SIL1: variants seen among roughly 807,000 people sequenced by gnomAD.
SIL1 encodes SIL1 nucleotide exchange factor.
In SIL1, 40 loss-of-function variants were observed where a neutral mutation model predicts 49.1. The observed-to-expected ratio is 0.81, with a 90% confidence interval of 0.63 to 1.06. The LOEUF is 1.06. Ranked by LOEUF, SIL1 falls within the 50% of genes least tolerant of loss-of-function variation. SIL1 has a pLI of 0.00. For synonymous variants in SIL1, 253 were observed against 250.8 expected, an observed-to-expected ratio of 1.01 and a Z score of -0.08; for missense variants, 500 against 572.6, an observed-to-expected ratio of 0.87 and a Z score of 1.29.
chr5:139,173,689 G>A (rs1327273301), intron 1 of SIL1, among the ~76,000 whole-genome samples: 5 of 149,978 alleles, frequency 3.3e-5, no homozygotes, highest in African/African-American at 1.2e-4. Flanking sequence ...GCTCATGCCT[G>A]TAATCCCAGC....
At chr5:139,161,898 C>T (rs926866051) in intron 1 of SIL1, among the ~76,000 whole-genome samples, 1 of 151,680 alleles carries the variant, frequency 6.6e-6, no homozygotes, top group African/African-American at 2.4e-5. Flanking sequence ...CCGTAGTCCC[C>T]ACTACTTGGG....
At chr5:139,069,323 G>T (rs550532600) in intron 3 of SIL1, among the ~76,000 whole-genome samples, 1 of 151,942 alleles carries the variant, frequency 6.6e-6, no homozygotes, top group South Asian at 2.1e-4. Flanking sequence ...TGAGGTGCTA[G>T]AACTCAATGA....
intron 7 of SIL1, among the ~76,000 whole-genome samples, chr5:138,965,632 G>A (rs1421192021): frequency 6.6e-6 from 1 of 151,782 alleles, no homozygotes; most frequent in Non-Finnish European, 1.5e-5. Context: ...CCTGGAACCT[G>A]GACCTTGAGC....
intron 1 of SIL1, among the ~76,000 whole-genome samples, chr5:139,165,207 T>A (rs1487369715): frequency 6.6e-6 from 1 of 152,258 alleles, no homozygotes; most frequent in African/African-American, 2.4e-5. Context: ...ATCCTTTATG[T>A]TAACCTAAAC....
At chr5:139,127,257 T>C (rs1333512989) in intron 2 of SIL1, among the ~76,000 whole-genome samples, 1 of 152,196 alleles carries the variant, frequency 6.6e-6, no homozygotes, top group Non-Finnish European at 1.5e-5. Context: ...AGAGTCTTAC[T>C]TGGAACTGAT....
chr5:139,013,159 C>A (rs1270118991), intron 7 of SIL1, among the ~76,000 whole-genome samples: 1 of 152,192 alleles, frequency 6.6e-6, no homozygotes, highest in Non-Finnish European at 1.5e-5. Flanking sequence ...TTGAACCTAT[C>A]ACCTGTCCCC....
chr5:139,169,472 A>G (rs908931654), intron 1 of SIL1, among the ~76,000 whole-genome samples: 3 of 133,954 alleles, frequency 2.2e-5, no homozygotes, highest in East Asian at 2.0e-4. Context: ...GTGTATATAG[A>G]TAGATTTTTT....
chr5:139,021,024 G>C (rs1429149134), intron 7 of SIL1, 147 bp downstream of exon 7: 2 of 1,148,482 alleles, frequency 1.7e-6, no homozygotes, highest in East Asian at 4.9e-5. Context: ...CTATCTACTT[G>C]GAATAAGGGC....
chr5:139,121,343 T>C (rs553419673), intron 2 of SIL1, among the ~76,000 whole-genome samples, 170 bp from the exon 3 acceptor site: 59 of 152,200 alleles, frequency 3.9e-4, no homozygotes, highest in African/African-American at 1.3e-3. Flanking sequence ...AACCAGCACA[T>C]GTGAGGTGAT....
chr5:139,185,293 G>T (rs994967532), intron 1 of SIL1, among the ~76,000 whole-genome samples: 2 of 152,128 alleles, frequency 1.3e-5, no homozygotes, highest in Admixed American at 6.5e-5. Flanking sequence ...TGCCGGGATG[G>T]GCTCTGGCCA....
rs1394648081 is a variant in SIL1, at chr5:139,056,092, C to G, written c.245-5046G>C. Among the ~76,000 whole-genome samples, 89 of 151,512 alleles carry G rather than the reference C, an allele frequency of 5.9e-4. 1 individual carries two copies. Among genetic ancestry groups the G allele is most frequent in the African/African-American group, 2.2e-3 (89 of 41,306 alleles). Reference sequence around the variant, plus strand: ...GATTGCAGCCTCTGCCCGGCCGCCACCCCGTCTGGGAAGTGAGGAGCGTCT... The same window carrying G: ...GATTGCAGCCTCTGCCCGGCCGCCAGCCCGTCTGGGAAGTGAGGAGCGTCT... On this transcript the variant is annotated intron_variant, in intron 3 of 9. Transcript: ENST00000394817.
intron 3 of SIL1, among the ~76,000 whole-genome samples, chr5:139,056,871 A>G (rs1409723010): frequency 1.3e-5 from 2 of 151,870 alleles, no homozygotes; most frequent in Admixed American, 6.6e-5. Flanking sequence ...TTTGTGGAAT[A>G]GAAAGGGGGG....
intron 3 of SIL1, among the ~76,000 whole-genome samples, chr5:139,117,519 T>C (rs1771019782): frequency 6.6e-6 from 1 of 152,248 alleles, no homozygotes; most frequent in African/African-American, 2.4e-5. Context: ...TAATACCAAC[T>C]GCACAGGTCC....
At chr5:139,104,439 G>A (rs1381123421) in intron 3 of SIL1, among the ~76,000 whole-genome samples, 1 of 152,170 alleles carries the variant, frequency 6.6e-6, no homozygotes, top group Non-Finnish European at 1.5e-5. Flanking sequence ...GTTATTCAGG[G>A]TCCTTTTGTC....
chr5:139,026,886 C>A lies in SIL1; in HGVS notation c.560G>T (p.Arg187Leu), dbSNP rs765997015. ...GGAACTATTGAACTTGTTGATCAGC[C>A]GTACCATGATCTGCATGTCAGTCTC... ...VIETDMQIMV[R>L]LINKFNSSSS... The change falls in exon 6 of 10, where the codon CGG becomes CTG. Residue 187 changes from arginine (R) to leucine (L), a missense_variant. Physicochemically the swap from Arg to Leu is moderately radical, Grantham distance 102 (BLOSUM62 -2). Transcript: ENST00000394817. 5 of 1,614,158 alleles carry A rather than the reference C, an allele frequency of 3.1e-6. No homozygotes were observed. Among genetic ancestry groups the A allele is most frequent in the Non-Finnish European group, 4.2e-6 (5 of 1,180,028 alleles).
In SIL1 at chr5:139,167,834, G is replaced by A. The variant is rs559196528; in HGVS notation, c.-11+30435C>T. ...CCATTCATGTTAAGTGCACTGTACA[G>A]GGGTACTACTTTTTATTTTTTCTCT... is the stretch of plus-strand genomic sequence containing the variant. On this transcript the variant is annotated intron_variant, in intron 1 of 9. Transcript: ENST00000394817. Among the ~76,000 whole-genome samples the A allele has an allele frequency of 4.6e-5, 7 of 152,138 alleles. No homozygotes were observed. In the East Asian group the frequency reaches 9.7e-4, roughly 21 times the overall value.
At chr5:139,086,981 A>C (rs1357270601) in intron 3 of SIL1, among the ~76,000 whole-genome samples, 1 of 151,466 alleles carries the variant, frequency 6.6e-6, no homozygotes, top group Non-Finnish European at 1.5e-5. Context: ...AATAATAATT[A>C]ATTATATTTC....
At chr5:138,954,304 C>T (rs936570373) in intron 7 of SIL1, among the ~76,000 whole-genome samples, 3 of 152,268 alleles carry the variant, frequency 2.0e-5, no homozygotes, top group African/African-American at 7.2e-5. Context: ...CACCCACAGC[C>T]AAGTCTGTGG....
At chr5:139,129,017 C>T (rs532798477) in intron 1 of SIL1, among the ~76,000 whole-genome samples, 34 of 152,146 alleles carry the variant, frequency 2.2e-4, no homozygotes, top group Non-Finnish European at 1.9e-4. Flanking sequence ...TGTGGTGGCA[C>T]ATGCCTGTAG....
Sources: gnomAD v4.1 joint callset for allele counts (sites outside exome capture counted in the v4.1 genomes callset) on GRCh38, gnomAD v4.1.1 for gene constraint, MANE v1.5 for transcripts, NCBI Gene and HGNC (gene_info 2026-07-23, HGNC 2026-07-21) for gene names.